The following ADAMTS17 variants were observed in gnomAD, a reference collection of about 807,000 sequenced individuals.
ADAMTS17 encodes A disintegrin and metalloproteinase with thrombospondin motifs 17.
In ADAMTS17, 113 loss-of-function variants were observed where a neutral mutation model predicts 141.5. That is an observed-to-expected ratio of 0.80 (90% CI 0.69 to 0.93). The LOEUF is 0.93. Ranked by LOEUF, ADAMTS17 falls within the 40% of genes least tolerant of loss-of-function variation. ADAMTS17 has a pLI of 0.00. For synonymous variants in ADAMTS17, 768 were observed against 630.6 expected, an observed-to-expected ratio of 1.22 and a Z score of -3.27; for missense variants, 1,659 against 1,517.9, an observed-to-expected ratio of 1.09 and a Z score of -1.54.
At chr15:100,276,633 A>G (rs890145055) in intron 4 of ADAMTS17, among the ~76,000 whole-genome samples, 1 of 152,016 alleles carries the variant, frequency 6.6e-6, no homozygotes, top group Admixed American at 6.5e-5. Context: ...TTCCTTCCAA[A>G]TCTGGAGGGC....
chr15:100,332,990 G>A (rs976448565), intron 2 of ADAMTS17, among the ~76,000 whole-genome samples: 2 of 152,136 alleles, frequency 1.3e-5, no homozygotes, highest in East Asian at 3.9e-4. Flanking sequence ...CTGTCCCCAG[G>A]TTCCTTCAAG....
chr15:100,261,432 C>G (rs1437219567), intron 6 of ADAMTS17, 47 bp downstream of exon 6: 2 of 1,610,394 alleles, frequency 1.2e-6, no homozygotes, highest in African/African-American at 2.7e-5. Context: ...TGAAGGGAAA[C>G]ATCTTTTCCC....
intron 15 of ADAMTS17, among the ~76,000 whole-genome samples, chr15:100,056,905 T>G (rs1360424307): frequency 1.3e-5 from 2 of 151,732 alleles, no homozygotes; most frequent in African/African-American, 2.4e-5. Flanking sequence ...TTCACAAGCT[T>G]TATGGTAAGG....
At chr15:100,208,283 G>C (rs1440371687) in intron 7 of ADAMTS17, among the ~76,000 whole-genome samples, 3 of 152,250 alleles carry the variant, frequency 2.0e-5, no homozygotes, top group Non-Finnish European at 2.9e-5. Context: ...AATGCAGCAA[G>C]CCAGAAACAT....
chr15:100,139,226 G>A (rs988227218), intron 10 of ADAMTS17, among the ~76,000 whole-genome samples: 1 of 152,140 alleles, frequency 6.6e-6, no homozygotes, highest in Non-Finnish European at 1.5e-5. Context: ...CCAAAATGTA[G>A]AGAAATCTAA....
intron 20 of ADAMTS17, among the ~76,000 whole-genome samples, chr15:99,976,979 G>C (rs532126407): frequency 1.4e-4 from 22 of 152,234 alleles, no homozygotes; most frequent in Non-Finnish European, 2.9e-5. Flanking sequence ...AGGAAGGACC[G>C]GGCCTGATGA....
chr15:100,011,816 G>A (rs1156445575), intron 18 of ADAMTS17, among the ~76,000 whole-genome samples: 1 of 152,226 alleles, frequency 6.6e-6, no homozygotes, highest in Non-Finnish European at 1.5e-5. Context: ...CATTTGGGTA[G>A]GTTCCAAGAT....
intron 10 of ADAMTS17, among the ~76,000 whole-genome samples, chr15:100,147,022 GC>G (rs1015039863): frequency 4.1e-4 from 63 of 151,956 alleles, no homozygotes; most frequent in African/African-American, 1.5e-3. Flanking sequence ...CTGTGATCTC[GC>G]CCTGCCTCCA....
rs552033645 is a variant in ADAMTS17, at chr15:100,220,451, T to C, written c.1076-21028A>G. On this transcript the variant is annotated intron_variant, in intron 7 of 21. Coordinates refer to ENST00000268070, the MANE Select transcript of ADAMTS17 (RefSeq NM_139057.4). ...CAGTAACATGATCAGCTCTAGTCCCTCCACTTAGATGTAACAACTGATAAT... is the reference window on the plus strand; with the variant it reads ...CAGTAACATGATCAGCTCTAGTCCCCCCACTTAGATGTAACAACTGATAAT... Among the ~76,000 whole-genome samples, 10 of 152,314 alleles carry C rather than the reference T, an allele frequency of 6.6e-5. No homozygotes were observed. In the South Asian group the frequency reaches 2.1e-3, roughly 32 times the overall value.
chr15:100,227,719 A>C (rs989676176), intron 7 of ADAMTS17, among the ~76,000 whole-genome samples: 1 of 152,236 alleles, frequency 6.6e-6, no homozygotes, highest in Non-Finnish European at 1.5e-5. Flanking sequence ...GCCTTTGCTT[A>C]GATTTCCCTG....
chr15:100,230,328 C>T (rs1468192652), intron 7 of ADAMTS17, among the ~76,000 whole-genome samples: 1 of 152,152 alleles, frequency 6.6e-6, no homozygotes, highest in East Asian at 1.9e-4. Flanking sequence ...GATGCGCATC[C>T]AGGGCTGAGG....
At chr15:100,179,195 C>A (rs1450452627) in intron 8 of ADAMTS17, among the ~76,000 whole-genome samples, 1 of 152,014 alleles carries the variant, frequency 6.6e-6, no homozygotes, top group Non-Finnish European at 1.5e-5. Flanking sequence ...GTTTTTGTAC[C>A]CATTAACTAT....
At position 100,164,301 on chromosome 15, in the gene ADAMTS17, G is replaced by A. The variant is rs575055003; in HGVS notation, c.1182-8981C>T. Among the ~76,000 whole-genome samples, 385 of 152,278 alleles carry A rather than the reference G, an allele frequency of 2.5e-3. 5 individuals are homozygous for A. Among genetic ancestry groups the A allele is most frequent in the African/African-American group, 9.1e-3 (378 of 41,558 alleles). On this transcript the variant is annotated intron_variant, in intron 8 of 21. Transcript: ENST00000268070. The stretch of plus-strand genomic sequence containing the variant: ...GCTTTGCAGTCAGACCAACCTAGAA[G>A]AAAATGTCAGCTCTGCCTCTTGAGA...
chr15:100,100,758 CA>C (rs68072453), intron 14 of ADAMTS17, among the ~76,000 whole-genome samples: 21,021 of 152,024 alleles, frequency 0.14, 2,057 homozygotes, highest in African/African-American at 0.28. Context: ...AATCTCCACA[CA>C]AAAAGAGAGA....
chr15:100,087,629 G>C (rs1255477055), intron 15 of ADAMTS17, among the ~76,000 whole-genome samples: 1 of 152,166 alleles, frequency 6.6e-6, no homozygotes, highest in Non-Finnish European at 1.5e-5. Flanking sequence ...ACATCAAAAA[G>C]CTTATGCACC....
In ADAMTS17 at chr15:100,133,217, G is replaced by A. The variant is rs566753782; in HGVS notation, c.1572C>T (p.Asp524=). ...PPLDGTECGA[D]KWCRAGECVS... is the part of the protein sequence containing the mutation. The stretch of plus-strand genomic sequence containing the variant: ...GCAGTGGGAAGTCAGAGGTTACCTT[G>A]TCTGCCCCACACTCGGTGCCATCCA... The change falls in exon 11 of 22, where the codon GAC becomes GAT. Residue 524 remains aspartate, a synonymous_variant. Transcript: ENST00000268070. 10 of 1,588,652 alleles carry A rather than the reference G, an allele frequency of 6.3e-6. No homozygotes were observed. The highest frequency in any genetic ancestry group is 8.6e-6 in the Non-Finnish European group (10 of 1,165,902).
rs757090417 is a variant in ADAMTS17 at position 100,155,143 on chromosome 15, G to A, written c.1322+37C>T. The A allele has an allele frequency of 3.7e-6, 6 of 1,613,858 alleles. No individual in the cohort carries two copies. The African/African-American group carries it at 6.7e-5, about 18-fold the overall frequency. Reference sequence around the variant, plus strand: ...ACTTTTGTCTTTTGGAAGTACTTTTGATTGCATTCATCCTATAGAATAATT... The same window carrying A: ...ACTTTTGTCTTTTGGAAGTACTTTTAATTGCATTCATCCTATAGAATAATT... On this transcript the variant is annotated intron_variant, in intron 9 of 21. Coordinates refer to ENST00000268070, the MANE Select transcript of ADAMTS17 (RefSeq NM_139057.4).
rs148072604 is a variant in ADAMTS17 at position 100,097,191 on chromosome 15, T to C, written c.2017-715A>G. 3.0e-3 allele frequency among the ~76,000 whole-genome samples: 458 copies of C among 152,342 alleles called. 1 individual carries two copies. Among genetic ancestry groups the C allele is most frequent in the African/African-American group, 1.0e-2 (414 of 41,588 alleles). ...TTCTTTTTTAAAAAAGTGAGAATTT[T>C]GTATCCTGCAAAATAACCTAAATTT... On this transcript the variant is annotated intron_variant, in intron 14 of 21. Transcript: ENST00000268070.
rs2045247185 is a variant in ADAMTS17, at chr15:100,306,956, A to C, written c.616+23933T>G. Among the ~76,000 whole-genome samples the C allele has an allele frequency of 3.3e-5, 5 of 152,174 alleles. 1 individual carries two copies. The South Asian group carries it at 8.3e-4, about 25-fold the overall frequency. On this transcript the variant is annotated intron_variant, in intron 3 of 21. Coordinates refer to ENST00000268070, the MANE Select transcript of ADAMTS17 (RefSeq NM_139057.4). ...CCTTCCTCTGCTGACCCTGACAGAA[A>C]GGAGAACGAGGCTGAGAGAGGACCA...
Sources: allele counts gnomAD v4.1 joint callset (sites outside exome capture counted in the v4.1 genomes callset), GRCh38; gene constraint gnomAD v4.1.1; transcripts MANE v1.5; gene names NCBI Gene and HGNC (gene_info 2026-07-23, HGNC 2026-07-21).